The following MORN5 variants were observed in gnomAD, a reference collection of about 807,000 sequenced individuals.
MORN5 encodes the protein MORN repeat containing 5.
MORN5 carries 21 observed loss-of-function variants against 22.1 expected under a neutral mutation model. That is an observed-to-expected ratio of 0.95 (90% CI 0.67 to 1.37). The LOEUF is 1.37. MORN5 is among the 40% of genes most tolerant of loss of function. The pLI is 0.00. For missense variants in MORN5, 211 were observed against 215.1 expected (o/e 0.98, Z 0.12); for synonymous variants, 73 against 74.0 (o/e 0.99, Z 0.07).
chr9:122,191,031 C>T (rs1409357957), intron 4 of MORN5, among the ~76,000 whole-genome samples: 1 of 152,206 alleles, frequency 6.6e-6, no homozygotes, highest in Non-Finnish European at 1.5e-5. Context: ...AAGACGACAG[C>T]CCCTATGACA....
Position 122,160,006 on chromosome 9 carries a change from T to C in MORN5, c.34T>C (p.Tyr12His), listed in dbSNP as rs1171357987. Reference sequence around the variant, plus strand: ...CACAGGGAGCAAATATATCGGGGAATATGTAGATGGGAGGTAAGGGGCTCA... The same window carrying C: ...CACAGGGAGCAAATATATCGGGGAACATGTAGATGGGAGGTAAGGGGCTCA... Reference protein sequence around the residue: ...EYTGSKYIGEYVDGRMEGKAK... With the variant: ...EYTGSKYIGEHVDGRMEGKAK... Residue 12 changes from tyrosine to histidine, a missense_variant, in exon 1 of 5, where the codon TAT becomes CAT. By Grantham distance (83) the Tyr-to-His change is moderately conservative. Coordinates refer to ENST00000373764, the MANE Select transcript of MORN5 (RefSeq NM_198469.4). 6 of 1,613,810 alleles carry C rather than the reference T, an allele frequency of 3.7e-6. No homozygotes were observed. In the African/African-American group the frequency reaches 5.3e-5, roughly 14 times the overall value.
chr9:122,174,905 T>A lies in MORN5; in HGVS notation c.439+278T>A, dbSNP rs142567905. ...AGGTACTTATTTTTGTATGCATTCC[T>A]TCGATTTTAATGGGCACCTACTATA... On this transcript the variant is annotated intron_variant, in intron 4 of 4. Coordinates refer to ENST00000373764, the MANE Select transcript of MORN5 (RefSeq NM_198469.4). 956 of 983,584 alleles carry A rather than the reference T, an allele frequency of 9.7e-4. 5 individuals carry two copies. In the African/African-American group the frequency reaches 0.011, roughly 11 times the overall value. 60.9% of individuals were successfully genotyped at this position (983,584 alleles called of 1,614,324 possible).
chr9:122,176,656 G>A (rs946125933), intron 4 of MORN5, among the ~76,000 whole-genome samples: 1 of 152,110 alleles, frequency 6.6e-6, no homozygotes, highest in Non-Finnish European at 1.5e-5. Context: ...AAGACAGGCA[G>A]ATCACAAGGT....
intron 4 of MORN5, among the ~76,000 whole-genome samples, chr9:122,198,795 A>G (rs1280774497): frequency 2.0e-5 from 3 of 152,224 alleles, no homozygotes; most frequent in African/African-American, 7.2e-5. Flanking sequence ...CAAGCATGGA[A>G]TATTAGGCAA....
At position 122,160,019 on chromosome 9, in the gene MORN5, G is replaced by A; in HGVS notation, c.47G>A (p.Arg16Lys). Residue 16 changes from arginine (R) to lysine (K), a missense_variant and splice_region_variant, in exon 1 of 5, where the codon AGG becomes AAG. Transcript: ENST00000373764. ...TATATCGGGGAATATGTAGATGGGA[G>A]GTAAGGGGCTCATTTGATTCACTTA... Reference protein sequence around the residue: ...SKYIGEYVDGRMEGKAKYILP... With the variant: ...SKYIGEYVDGKMEGKAKYILP... 1.9e-6 allele frequency: 3 copies of A among 1,612,870 alleles called. No individual in the cohort carries two copies. Among genetic ancestry groups the A allele is most frequent in the Non-Finnish European group, 2.5e-6 (3 of 1,179,548 alleles).
Position 122,199,785 on chromosome 9 carries a change from C to A in MORN5, c.440-100C>A. On this transcript the variant is annotated intron_variant, in intron 4 of 4. Transcript: ENST00000373764. ...CAAAACTACACAGACTGGCCATCGA[C>A]GGACCATCCCAGTCCCAACGCCCCA... is the stretch of plus-strand genomic sequence containing the variant. The A allele has an allele frequency of 2.8e-6, 3 of 1,086,350 alleles. No homozygotes were observed. In the Admixed American group the frequency reaches 5.1e-5, roughly 19 times the overall value. 67.3% of individuals were successfully genotyped at this position (1,086,350 alleles called of 1,614,324 possible).
chr9:122,187,878 A>T lies in MORN5; in HGVS notation c.440-12007A>T, dbSNP rs575468807. On this transcript the variant is annotated intron_variant, in intron 4 of 4. Transcript: ENST00000373764. ...CAGTGTGTCCCAAGCTATCCAGATG[A>T]TGTCCTGGAAAAGGTGGAGTTTGGC... Among the ~76,000 whole-genome samples the T allele has an allele frequency of 6.6e-5, 10 of 152,300 alleles. 1 individual carries two copies. The Middle Eastern group carries it at 0.014, about 207-fold the overall frequency.
chr9:122,162,333 C>T (rs982632813), intron 1 of MORN5, among the ~76,000 whole-genome samples: 2 of 152,070 alleles, frequency 1.3e-5, no homozygotes, highest in African/African-American at 4.8e-5. Context: ...CCTCTCTATA[C>T]AGTAGGAAGT....
rs938997436 is a variant in MORN5 at position 122,180,282 on chromosome 9, C to CTTTTT, written c.439+5672_439+5676dup. 1.0e-3 allele frequency among the ~76,000 whole-genome samples: 111 copies of CTTTTT among 107,512 alleles called. 1 individual carries two copies. Among genetic ancestry groups the CTTTTT allele is most frequent in the Non-Finnish European group, 1.3e-3 (72 of 54,652 alleles). 70.5% of individuals were successfully genotyped at this position (107,512 alleles called of 152,430 possible). A position where few individuals can be genotyped will look rare whatever the true frequency, so the allele number is the denominator to read the frequency against. Reference sequence around the variant, plus strand: ...ATGCAACAATCTATGACATTTTCTTCTTTTTTTTTTTTTTTTTTTTTGAGA... The same window carrying CTTTTT: ...ATGCAACAATCTATGACATTTTCTTCTTTTTTTTTTTTTTTTTTTTTTTTTTGAGA... On this transcript the variant is annotated intron_variant, in intron 4 of 4. Coordinates refer to ENST00000373764, the MANE Select transcript of MORN5 (RefSeq NM_198469.4).
At chr9:122,174,132 C>A (rs1301493457) in intron 3 of MORN5, among the ~76,000 whole-genome samples, 2 of 152,228 alleles carry the variant, frequency 1.3e-5, no homozygotes, top group African/African-American at 4.8e-5. Flanking sequence ...TTGAATGCCA[C>A]CCCTCTTCTG....
chr9:122,167,383 GTC>G (rs2118744132), intron 2 of MORN5, among the ~76,000 whole-genome samples: 1 of 92,892 alleles, frequency 1.1e-5, no homozygotes, highest in African/African-American at 3.7e-5. Flanking sequence ...TTGAAAACGA[GTC>G]TCTGTCGCCC....
intron 4 of MORN5, among the ~76,000 whole-genome samples, chr9:122,192,808 C>T (rs776793280): frequency 7.2e-5 from 11 of 152,246 alleles, no homozygotes; most frequent in Non-Finnish European, 1.5e-4. Context: ...TTGCCCTTGG[C>T]GTGCCTGCCT....
chr9:122,166,940 T>A (rs1455920068), intron 2 of MORN5, 25 bp downstream of exon 2: 2 of 1,604,658 alleles, frequency 1.2e-6, no homozygotes, highest in Non-Finnish European at 1.7e-6. Flanking sequence ...GGACGGATGC[T>A]GTGGAGGAGA....
chr9:122,168,894 C>T (rs1265679870), intron 2 of MORN5, among the ~76,000 whole-genome samples: 2 of 152,078 alleles, frequency 1.3e-5, no homozygotes, highest in Admixed American at 1.3e-4. Context: ...CCAATCTTCC[C>T]TCTGCAACCT....
chr9:122,167,823 A>G (rs1047161861), intron 2 of MORN5, among the ~76,000 whole-genome samples: 1 of 151,306 alleles, frequency 6.6e-6, no homozygotes, highest in African/African-American at 2.4e-5. Flanking sequence ...TTCCATCCAG[A>G]GGCTCTACGG....
At chr9:122,161,941 A>G (rs942376259) in intron 1 of MORN5, among the ~76,000 whole-genome samples, 89 of 152,234 alleles carry the variant, frequency 5.8e-4, no homozygotes, top group African/African-American at 2.1e-3. Context: ...CCAATTTCCC[A>G]TAACTAGCAA....
intron 3 of MORN5, among the ~76,000 whole-genome samples, chr9:122,172,122 T>C (rs1295172005): frequency 6.6e-6 from 1 of 150,716 alleles, no homozygotes; most frequent in African/African-American, 2.5e-5. Context: ...CCACCACTCC[T>C]GGTTAATTTT....
At chr9:122,182,209 C>T in intron 4 of MORN5, among the ~76,000 whole-genome samples, 1 of 152,220 alleles carries the variant, frequency 6.6e-6, no homozygotes, top group Non-Finnish European at 1.5e-5. Context: ...TTGATAAACA[C>T]AACCAGCACT....
intron 4 of MORN5, among the ~76,000 whole-genome samples, chr9:122,187,299 C>T (rs1310718745): frequency 6.6e-6 from 1 of 152,246 alleles, no homozygotes; most frequent in African/African-American, 2.4e-5. Context: ...CTCCCATCTG[C>T]TTTTAATTCT....
Sources: allele counts gnomAD v4.1 joint callset (sites outside exome capture counted in the v4.1 genomes callset), GRCh38; gene constraint gnomAD v4.1.1; transcripts MANE v1.5; gene names NCBI Gene and HGNC (gene_info 2026-07-23, HGNC 2026-07-21).